TTC8: variants seen among roughly 807,000 people sequenced by gnomAD.
The protein encoded by TTC8 is tetratricopeptide repeat domain 8.
TTC8 carries 47 observed loss-of-function variants against 72.5 expected under a neutral mutation model. The ratio of observed to expected loss-of-function variants is 0.65; its 90% CI spans 0.51 to 0.83. The LOEUF is 0.83. Ranked by LOEUF, TTC8 falls within the 40% of genes least tolerant of loss-of-function variation. TTC8 has a pLI of 0.00. For missense variants in TTC8, 611 were observed against 623.2 expected (o/e 0.98, Z 0.21); for synonymous variants, 199 against 221.4 (o/e 0.90, Z 0.90).
In TTC8 at chr14:88,824,683, G is replaced by T. The variant is rs7145692; in HGVS notation, c.-25G>T. The T allele has an allele frequency of 2.5e-6, 4 of 1,571,380 alleles. No individual in the cohort carries two copies. In the East Asian group the frequency reaches 6.9e-5, roughly 27 times the overall value. The stretch of plus-strand genomic sequence containing the variant: ...GCCCACCTCTCTCCTGGAGCGCTGG[G>T]CCTTCGCTGGCCGCACCGGCAGCCA... On this transcript the variant is annotated 5_prime_UTR_variant, in exon 1 of 15. Coordinates refer to ENST00000380656, the MANE Select transcript of TTC8 (RefSeq NM_144596.4).
intron 10 of TTC8, among the ~76,000 whole-genome samples, chr14:88,869,670 G>T (rs748164579): frequency 1.3e-5 from 2 of 152,038 alleles, no homozygotes; most frequent in Non-Finnish European, 2.9e-5. Flanking sequence ...CCTCTGCCCA[G>T]AGTGAGCTTC....
At chr14:88,847,683 C>T (rs1225624531) in intron 7 of TTC8, among the ~76,000 whole-genome samples, 2 of 151,800 alleles carry the variant, frequency 1.3e-5, no homozygotes, top group African/African-American at 4.8e-5. Flanking sequence ...ATTTGTGAAA[C>T]AATCACAAAG....
rs368986110 is a variant in TTC8 at position 88,844,726 on chromosome 14, A to G, written c.624+876A>G. ...TGCCCAGCTGATTTTTTTTTTTTTA[A>G]TTATCTGTACAGACATGCTCTCCCT... On this transcript the variant is annotated intron_variant, in intron 7 of 14. Transcript: ENST00000380656. 8.0e-5 allele frequency among the ~76,000 whole-genome samples: 12 copies of G among 150,040 alleles called. 1 individual carries two copies. Among genetic ancestry groups the G allele is most frequent in the East Asian group, 3.9e-4 (2 of 5,112 alleles).
intron 2 of TTC8, chr14:88,837,050 A>G: frequency 3.6e-6 from 1 of 276,570 alleles, no homozygotes; most frequent in Non-Finnish European, 7.2e-6. Context: ...AACAAGAGCA[A>G]AACTCCATCT....
chr14:88,854,928 C>G (rs930477302), intron 8 of TTC8, among the ~76,000 whole-genome samples: 2 of 152,194 alleles, frequency 1.3e-5, no homozygotes, highest in Non-Finnish European at 2.9e-5. Context: ...CTCACACCAT[C>G]CTCCCGCCTT....
At position 88,837,591 on chromosome 14, in the gene TTC8, C is replaced by T. The variant is rs79665849; in HGVS notation, c.145-1861C>T. On this transcript the variant is annotated intron_variant, in intron 2 of 14. Coordinates refer to ENST00000380656, the MANE Select transcript of TTC8 (RefSeq NM_144596.4). ...TCCAACAGAAAATGCTGTAGTCCTT[C>T]CTGTCCACCAGAGAGTGCTGAGCAA... Among the ~76,000 whole-genome samples the T allele has an allele frequency of 2.8e-3, 430 of 152,294 alleles. 2 individuals carry two copies. Among genetic ancestry groups the T allele is most frequent in the South Asian group, 4.1e-3 (20 of 4,828 alleles).
At position 88,877,882 on chromosome 14, in the gene TTC8, A is replaced by C. The variant is rs59300815; in HGVS notation, c.*472A>C. 0.033 allele frequency: 5,068 copies of C among 152,662 alleles called. 293 individuals are homozygous for C. Among genetic ancestry groups the C allele is most frequent in the African/African-American group, 0.12 (4,803 of 41,538 alleles). 9.5% of individuals were successfully genotyped at this position (152,662 alleles called of 1,614,324 possible). Reference sequence around the variant, plus strand: ...GGGAGGTGGAGGTGGGAGGATTATAAATAGAGACTTTCCTTAAGACTTTAA... The same window carrying C: ...GGGAGGTGGAGGTGGGAGGATTATACATAGAGACTTTCCTTAAGACTTTAA... On this transcript the variant is annotated 3_prime_UTR_variant, in exon 15 of 15. Transcript: ENST00000380656.
intron 8 of TTC8, 71 bp downstream of exon 8, chr14:88,853,127 G>GT: frequency 9.1e-7 from 1 of 1,100,970 alleles, no homozygotes; most frequent in Non-Finnish European, 1.4e-6. Flanking sequence ...GATACTTTTT[G>GT]AGGGGGGGGA....
At chr14:88,834,455 G>C (rs1287715392) in intron 2 of TTC8, among the ~76,000 whole-genome samples, 1 of 152,142 alleles carries the variant, frequency 6.6e-6, no homozygotes, top group Non-Finnish European at 1.5e-5. Context: ...AAGCGAGATG[G>C]AATGTTAACA....
chr14:88,858,805 G>A (rs868310761), intron 9 of TTC8, among the ~76,000 whole-genome samples: 5 of 117,080 alleles, frequency 4.3e-5, no homozygotes, highest in Non-Finnish European at 6.5e-5. Context: ...TTCTTGCTGT[G>A]TTGATAGGCT....
chr14:88,839,709 A>G, intron 3 of TTC8, 137 bp downstream of exon 3: 1 of 1,038,098 alleles, frequency 9.6e-7, no homozygotes, highest in Non-Finnish European at 1.4e-6. Context: ...AAAATGATGA[A>G]AAAACCATTA....
At chr14:88,843,991 C>T in intron 7 of TTC8, 141 bp downstream of exon 7, 1 of 645,480 alleles carries the variant, frequency 1.5e-6, no homozygotes, top group South Asian at 2.0e-5. Context: ...TTAAAATCCA[C>T]CCTCAGTTTC....
chr14:88,874,271 A>G lies in TTC8; in HGVS notation c.1348-755A>G, dbSNP rs537138561. ...ATATCATTTTGTTTTCCATTAAAAAAGTTATACAAATTTGTCTTCAGGGTC... is the reference window on the plus strand; with the variant it reads ...ATATCATTTTGTTTTCCATTAAAAAGGTTATACAAATTTGTCTTCAGGGTC... On this transcript the variant is annotated intron_variant, in intron 13 of 14. Transcript: ENST00000380656. 2.6e-5 allele frequency among the ~76,000 whole-genome samples: 4 copies of G among 152,288 alleles called. No homozygotes were observed. In the East Asian group the frequency reaches 5.8e-4, roughly 22 times the overall value.
At position 88,839,499 on chromosome 14, in the gene TTC8, A is replaced by G. The variant is rs775514466; in HGVS notation, c.192A>G (p.Ile64Met). 31 of 1,613,158 alleles carry G rather than the reference A, an allele frequency of 1.9e-5. No homozygotes were observed. The highest frequency in any genetic ancestry group is 2.4e-5 in the Non-Finnish European group (28 of 1,179,476). The change falls in exon 3 of 15, where the codon ATA (isoleucine) becomes ATG (methionine). Residue 64 changes from isoleucine to methionine, a missense_variant. Coordinates refer to ENST00000380656, the MANE Select transcript of TTC8 (RefSeq NM_144596.4). ...KARALTEMVY[I>M]DEIDVDQEGI... ...GAGCGCTAACAGAAATGGTATACAT[A>G]GATGAAATTGATGTAGATCAGGAAG...
rs187731183 is a variant in TTC8, at chr14:88,868,713, C to T, written c.910-1346C>T. 8.3e-4 allele frequency among the ~76,000 whole-genome samples: 126 copies of T among 152,220 alleles called. 3 individuals carry two copies. Among genetic ancestry groups the T allele is most frequent in the Non-Finnish European group, 2.2e-4 (15 of 68,002 alleles). On this transcript the variant is annotated intron_variant, in intron 10 of 14. Coordinates refer to ENST00000380656, the MANE Select transcript of TTC8 (RefSeq NM_144596.4). Reference sequence around the variant, plus strand: ...GTTTATATGGAAACTTGGGTAATTACTCTTGGGAGCATGGTGAACCTGGTA... The same window carrying T: ...GTTTATATGGAAACTTGGGTAATTATTCTTGGGAGCATGGTGAACCTGGTA...
chr14:88,858,138 T>C (rs1396087575), intron 9 of TTC8, among the ~76,000 whole-genome samples: 1 of 152,044 alleles, frequency 6.6e-6, no homozygotes, highest in Non-Finnish European at 1.5e-5. Flanking sequence ...ATTTTTGTAT[T>C]TTTAGTAGAA....
intron 7 of TTC8, among the ~76,000 whole-genome samples, chr14:88,852,280 A>G (rs747483592): frequency 2.0e-5 from 3 of 152,192 alleles, no homozygotes; most frequent in African/African-American, 4.8e-5. Context: ...TCTTGAATAA[A>G]CAATAGAGGG....
At chr14:88,840,779 A>G (rs2094776464) in intron 3 of TTC8, 86 bp from the exon 4 acceptor site, 1 of 1,266,230 alleles carries the variant, frequency 7.9e-7, no homozygotes, top group Non-Finnish European at 1.1e-6. Context: ...TCACCAGGCC[A>G]GCGCAATTCT....
At chr14:88,859,540 G>A (rs1475110607) in intron 9 of TTC8, among the ~76,000 whole-genome samples, 19 of 151,832 alleles carry the variant, frequency 1.3e-4, no homozygotes, top group Non-Finnish European at 2.9e-5. Flanking sequence ...GAGAGGAGCA[G>A]AAAAAATAAC....
Sources: gnomAD v4.1 joint callset for allele counts (sites outside exome capture counted in the v4.1 genomes callset) on GRCh38, gnomAD v4.1.1 for gene constraint, MANE v1.5 for transcripts, NCBI Gene and HGNC (gene_info 2026-07-23, HGNC 2026-07-21) for gene names.